Variants in SUGCT observed in about 807,000 individuals in gnomAD.
SUGCT encodes succinyl-CoA:glutarate-CoA transferase, also known as succinyl-CoA:glutarate CoA-transferase.
A neutral mutation model predicts 55.0 loss-of-function variants in SUGCT; 41 were observed. The ratio of observed to expected loss-of-function variants is 0.74; its 90% CI spans 0.58 to 0.97. The LOEUF (loss-of-function observed/expected upper bound fraction) is 0.97. Among genes scored for constraint, SUGCT ranks in the 50% least tolerant of loss-of-function variants. SUGCT has a pLI of 0.00. For synonymous variants in SUGCT, 187 were observed against 200.4 expected (o/e 0.93, Z 0.56); for missense variants, 568 against 547.8 (o/e 1.04, Z -0.37).
intron 12 of SUGCT, among the ~76,000 whole-genome samples, chr7:40,728,197 C>T (rs1786706833): frequency 6.6e-6 from 1 of 152,098 alleles, no homozygotes; most frequent in Non-Finnish European, 1.5e-5. Flanking sequence ...TCTCCTTTCA[C>T]CCTTGAAAGT....
intron 12 of SUGCT, among the ~76,000 whole-genome samples, chr7:40,695,688 T>G (rs1784898139): frequency 6.6e-6 from 1 of 152,186 alleles, no homozygotes; most frequent in South Asian, 2.1e-4. Flanking sequence ...TAGTATTCCA[T>G]TAAGACAGAA....
At chr7:40,513,094 G>C (rs764345030) in intron 12 of SUGCT, among the ~76,000 whole-genome samples, 22 of 152,100 alleles carry the variant, frequency 1.4e-4, no homozygotes, top group Admixed American at 5.2e-4. Context: ...TCAGTCCCAT[G>C]GTGGAGCTTT....
intron 6 of SUGCT, among the ~76,000 whole-genome samples, chr7:40,213,144 C>T (rs1787439690): frequency 6.6e-6 from 1 of 152,076 alleles, no homozygotes; most frequent in African/African-American, 2.4e-5. Flanking sequence ...TTATCAATTA[C>T]TGAGAAAGAC....
intron 12 of SUGCT, among the ~76,000 whole-genome samples, chr7:40,505,734 A>G (rs540775632): frequency 6.6e-6 from 1 of 152,184 alleles, no homozygotes; most frequent in East Asian, 1.9e-4. Flanking sequence ...ATTTAATATT[A>G]TGTCATATAA....
At chr7:40,353,719 A>G (rs1333492408) in intron 9 of SUGCT, among the ~76,000 whole-genome samples, 2 of 152,294 alleles carry the variant, frequency 1.3e-5, no homozygotes, top group African/African-American at 2.4e-5. Flanking sequence ...TAGTCTTAAT[A>G]TTACACCATC....
At chr7:40,644,925 C>T (rs936172960) in intron 12 of SUGCT, among the ~76,000 whole-genome samples, 3 of 152,190 alleles carry the variant, frequency 2.0e-5, no homozygotes, top group South Asian at 2.1e-4. Context: ...TTCCCTCAAC[C>T]GCACTGTGGC....
intron 1 of SUGCT, among the ~76,000 whole-genome samples, chr7:40,158,801 A>G (rs997300613): frequency 2.0e-5 from 3 of 152,220 alleles, no homozygotes; most frequent in African/African-American, 7.2e-5. Context: ...TAAAATTTTT[A>G]TGTCCCTAGC....
chr7:40,250,265 A>G (rs7778070), intron 7 of SUGCT, among the ~76,000 whole-genome samples: 57,863 of 151,448 alleles, frequency 0.38, 11,128 homozygotes, highest in East Asian at 0.48. Context: ...CGGGGCGTGG[A>G]GGTGCCTGCC....
chr7:40,877,609 G>T, the SUGCT span, among the ~76,000 whole-genome samples: 2 of 152,144 alleles, frequency 1.3e-5, no homozygotes, highest in Non-Finnish European at 2.9e-5. Flanking sequence ...AACTTCTCTA[G>T]CTAATTTACA....
intron 4 of SUGCT, among the ~76,000 whole-genome samples, chr7:40,189,252 G>A (rs1785735763): frequency 6.6e-6 from 1 of 152,070 alleles, no homozygotes; most frequent in South Asian, 2.1e-4. Flanking sequence ...TGAGGCATGT[G>A]AATCGCCTGA....
intron 13 of SUGCT, among the ~76,000 whole-genome samples, chr7:40,779,596 A>C (rs748504162): frequency 2.0e-5 from 3 of 152,210 alleles, no homozygotes; most frequent in African/African-American, 2.4e-5. Flanking sequence ...GGGATTTATA[A>C]GTAGGCCAAG....
chr7:40,343,182 G>A (rs1048118319), intron 9 of SUGCT, among the ~76,000 whole-genome samples: 15 of 152,074 alleles, frequency 9.9e-5, no homozygotes, highest in Admixed American at 8.5e-4. Context: ...ATCTTAAAAT[G>A]TCATCCTAAT....
chr7:40,989,880 T>C, the SUGCT span, among the ~76,000 whole-genome samples: 6 of 152,338 alleles, frequency 3.9e-5, no homozygotes, highest in African/African-American at 1.2e-4. Flanking sequence ...ATTCTAGTTA[T>C]CTTGCTATTT....
chr7:40,172,858 T>C (rs1784741417), intron 1 of SUGCT, among the ~76,000 whole-genome samples: 1 of 152,164 alleles, frequency 6.6e-6, no homozygotes, highest in Admixed American at 6.5e-5. Context: ...GAGTGTTAAG[T>C]CCAGCAGCCA....
chr7:40,366,547 T>A (rs569815887), intron 9 of SUGCT, among the ~76,000 whole-genome samples: 2 of 151,370 alleles, frequency 1.3e-5, no homozygotes, highest in Middle Eastern at 3.4e-3. Context: ...GAATCTACAA[T>A]AAAATCAAAC....
chr7:40,272,913 A>G (rs1792190962), intron 7 of SUGCT, among the ~76,000 whole-genome samples: 1 of 151,230 alleles, frequency 6.6e-6, no homozygotes. Context: ...ACTCGCCTTG[A>G]CCTCCCAAAG....
At chr7:40,843,817 C>A (rs534486004) in intron 13 of SUGCT, among the ~76,000 whole-genome samples, 3 of 152,198 alleles carry the variant, frequency 2.0e-5, no homozygotes, top group Admixed American at 6.5e-5. Context: ...GTGTTTTGAG[C>A]AGAGGAATGA....
chr7:40,207,530 A>C (rs1009997977), intron 6 of SUGCT, among the ~76,000 whole-genome samples: 7 of 152,098 alleles, frequency 4.6e-5, no homozygotes, highest in Non-Finnish European at 8.8e-5. Flanking sequence ...AAAATTAAAC[A>C]CGGAAGCTGG....
rs774056418 is a variant in SUGCT at position 40,274,572 on chromosome 7, A to T, written c.636A>T (p.Ala212=). 1 of 1,613,672 alleles carries T rather than the reference A, an allele frequency of 6.2e-7. No homozygotes were observed. The change falls in exon 8 of 14, where the codon GCA becomes GCT. Residue 212 remains alanine (A), a synonymous_variant. Transcript: ENST00000335693. The part of the protein sequence containing the change: ...AMTDLATGLY[A]YGAIMAGLIQ... ...CTGATCTTGCCACTGGCCTGTATGC[A>T]TATGGAGCTATTATGGCTGGATTGA... is the stretch of plus-strand genomic sequence containing the variant.
Sources: gnomAD v4.1 joint callset for allele counts (sites outside exome capture counted in the v4.1 genomes callset) on GRCh38, gnomAD v4.1.1 for gene constraint, MANE v1.5 for transcripts, NCBI Gene and HGNC (gene_info 2026-07-23, HGNC 2026-07-21) for gene names.